The following PRKAG2 variants were observed in gnomAD, a reference collection of about 807,000 sequenced individuals.
PRKAG2 encodes 5'-AMP-activated protein kinase subunit gamma-2.
Under a neutral mutation model 69.6 loss-of-function variants are expected in PRKAG2, and 26 were observed. That is an observed-to-expected ratio of 0.37 (90% CI 0.27 to 0.52). PRKAG2 has a LOEUF of 0.52. Among genes scored for constraint, PRKAG2 ranks in the 20% least tolerant of loss-of-function variants. The pLI, the probability that PRKAG2 is intolerant of heterozygous loss-of-function variation, is 0.90. For missense variants in PRKAG2, 557 were observed against 740.0 expected (o/e 0.75, Z 2.87); for synonymous variants, 293 against 285.0 (o/e 1.03, Z -0.28).
intron 5 of PRKAG2, among the ~76,000 whole-genome samples, chr7:151,599,040 C>T (rs1428388939): frequency 9.9e-5 from 15 of 151,918 alleles, no homozygotes; most frequent in Admixed American, 2.0e-4. Context: ...TTAGTAGAGA[C>T]GGGGTTTCAC....
intron 3 of PRKAG2, among the ~76,000 whole-genome samples, chr7:151,681,036 C>T (rs927021140): frequency 2.0e-5 from 3 of 152,192 alleles, no homozygotes; most frequent in African/African-American, 7.2e-5. Context: ...GCAACTGTGA[C>T]CAAGCCCCTC....
At chr7:151,621,440 C>A (rs1821455280) in intron 5 of PRKAG2, among the ~76,000 whole-genome samples, 1 of 152,058 alleles carries the variant, frequency 6.6e-6, no homozygotes, top group Non-Finnish European at 1.5e-5. Flanking sequence ...CTCAGCACTT[C>A]GGGAGGCTGA....
At chr7:151,710,296 G>A (rs1795072254) in intron 3 of PRKAG2, among the ~76,000 whole-genome samples, 1 of 152,098 alleles carries the variant, frequency 6.6e-6, no homozygotes, top group Non-Finnish European at 1.5e-5. Flanking sequence ...CTATCTCAGT[G>A]CGTGGCACCC....
intron 5 of PRKAG2, among the ~76,000 whole-genome samples, chr7:151,627,199 TTCA>T (rs1300223008): frequency 6.6e-6 from 1 of 152,136 alleles, no homozygotes; most frequent in Non-Finnish European, 1.5e-5. Context: ...ATACAGGCCC[TTCA>T]TCACAGATCT....
chr7:151,814,853 C>A lies in PRKAG2; in HGVS notation c.115-28312G>T, dbSNP rs1166205736. ...AACTGTCATTCCCACCTGTGTCAGG[C>A]GCTGCTGGGGAGGAAACTCCTTACC... On this transcript the variant is annotated intron_variant, in intron 1 of 15. Transcript: ENST00000287878. The surrounding 1 kb of genome is among the most constrained non-coding windows in gnomAD (Gnocchi z 4.8). 8.1e-7 allele frequency: 1 copy of A among 1,231,770 alleles called. No homozygotes were observed. The highest frequency in any genetic ancestry group is 1.0e-6 in the Non-Finnish European group (1 of 987,986). 76.3% of individuals were successfully genotyped at this position (1,231,770 alleles called of 1,614,324 possible). A position where few individuals can be genotyped will look rare whatever the true frequency, so the allele number is the denominator to read the frequency against.
intron 3 of PRKAG2, among the ~76,000 whole-genome samples, chr7:151,681,221 G>A (rs1475249474): frequency 1.3e-5 from 2 of 152,172 alleles, no homozygotes; most frequent in African/African-American, 4.8e-5. Flanking sequence ...GAGGAGATGA[G>A]AAGGTGGACT....
intron 10 of PRKAG2, 137 bp from the exon 11 acceptor site, chr7:151,568,979 A>C: frequency 9.9e-7 from 1 of 1,012,582 alleles, no homozygotes; most frequent in East Asian, 2.7e-5. Context: ...TTTAAATTAG[A>C]GATCTCAGCA....
chr7:151,710,213 C>G (rs1795058979), intron 3 of PRKAG2, among the ~76,000 whole-genome samples: 1 of 152,108 alleles, frequency 6.6e-6, no homozygotes, highest in South Asian at 2.1e-4. Flanking sequence ...CAGGAGGCAC[C>G]TCTCACTTCA....
intron 1 of PRKAG2, among the ~76,000 whole-genome samples, chr7:151,819,127 C>T (rs1257380767): frequency 2.6e-5 from 4 of 152,170 alleles, no homozygotes; most frequent in Admixed American, 6.5e-5. Flanking sequence ...AGAATCTGGC[C>T]GGCCCGCAGC....
At chr7:151,589,568 T>A (rs1366005369) in intron 6 of PRKAG2, among the ~76,000 whole-genome samples, 1 of 152,244 alleles carries the variant, frequency 6.6e-6, no homozygotes, top group African/African-American at 2.4e-5. Flanking sequence ...CCAGTTAACA[T>A]TTGCTTATGT....
At position 151,816,318 on chromosome 7, in the gene PRKAG2, C is replaced by T. The variant is rs373236480; in HGVS notation, c.115-29777G>A. On this transcript the variant is annotated intron_variant, in intron 1 of 15. Transcript: ENST00000287878. ...GCCTACCTGAGCAGGCCATTTTAAGCGGAAACTGTTTTTTGTTTTTTTTTT... is the reference window on the plus strand; with the variant it reads ...GCCTACCTGAGCAGGCCATTTTAAGTGGAAACTGTTTTTTGTTTTTTTTTT... Among the ~76,000 whole-genome samples, 41 of 152,210 alleles carry T rather than the reference C, an allele frequency of 2.7e-4. 1 individual carries two copies. The highest frequency in any genetic ancestry group is 1.9e-3 in the East Asian group (10 of 5,192).
At chr7:151,849,533 G>T (rs564318773) in intron 1 of PRKAG2, among the ~76,000 whole-genome samples, 1 of 152,294 alleles carries the variant, frequency 6.6e-6, no homozygotes, top group Non-Finnish European at 1.5e-5. Context: ...ATACACACAC[G>T]GGGTCTTAGA....
At chr7:151,846,970 CT>C (rs1179267086) in intron 1 of PRKAG2, among the ~76,000 whole-genome samples, 31 of 152,252 alleles carry the variant, frequency 2.0e-4, no homozygotes, top group African/African-American at 7.5e-4. Flanking sequence ...GCTTCTTAAA[CT>C]GTCAGCAAGA....
intron 3 of PRKAG2, among the ~76,000 whole-genome samples, chr7:151,765,084 T>A (rs2075660018): frequency 6.6e-6 from 1 of 152,214 alleles, no homozygotes; most frequent in Non-Finnish European, 1.5e-5. Context: ...AAGGTGTGTG[T>A]GAGCCCGCAG....
At chr7:151,866,306 A>G (rs956854994) in intron 1 of PRKAG2, among the ~76,000 whole-genome samples, 17 of 152,214 alleles carry the variant, frequency 1.1e-4, no homozygotes, top group Admixed American at 1.3e-4. Context: ...AGATATCAAA[A>G]ACCTGACAAG....
At chr7:151,772,923 T>C (rs2151782883) in intron 3 of PRKAG2, among the ~76,000 whole-genome samples, 1 of 150,986 alleles carries the variant, frequency 6.6e-6, no homozygotes, top group Middle Eastern at 3.4e-3. Context: ...AAGTTGAGGC[T>C]CTGCAGTGAT....
chr7:151,775,304 C>T (rs1333704383), intron 3 of PRKAG2, among the ~76,000 whole-genome samples: 2 of 151,756 alleles, frequency 1.3e-5, no homozygotes, highest in Non-Finnish European at 1.5e-5. Context: ...CCTAACTGGG[C>T]TAATCAGATA....
chr7:151,873,464 G>A (rs1326239639), intron 1 of PRKAG2, among the ~76,000 whole-genome samples: 1 of 152,150 alleles, frequency 6.6e-6, no homozygotes, highest in Non-Finnish European at 1.5e-5. Flanking sequence ...ACCTAGCCTG[G>A]CACAATGATC....
chr7:151,557,374 G>T (rs917008855), intron 15 of PRKAG2, 142 bp from the exon 16 acceptor site: 1 of 1,595,298 alleles, frequency 6.3e-7, no homozygotes, highest in African/African-American at 1.3e-5. Flanking sequence ...GAAGGAGCAG[G>T]TGGCCCAAGC....
Sources: gnomAD v4.1 joint callset for allele counts (sites outside exome capture counted in the v4.1 genomes callset) on GRCh38, gnomAD v4.1.1 for gene constraint, Gnocchi (gnomAD v3.1) non-coding constraint, MANE v1.5 for transcripts, NCBI Gene and HGNC (gene_info 2026-07-23, HGNC 2026-07-21) for gene names.